Variants in AGBL4 observed in about 807,000 individuals in gnomAD.
AGBL4 encodes the protein cytosolic carboxypeptidase 6.
Under a neutral mutation model 66.4 loss-of-function variants are expected in AGBL4, and 58 were observed. The ratio of observed to expected loss-of-function variants is 0.87; its 90% CI spans 0.71 to 1.09. The LOEUF (loss-of-function observed/expected upper bound fraction) is 1.09. AGBL4 is among the 50% of genes least tolerant of loss of function. The pLI is 0.00. For synonymous variants in AGBL4, 234 were observed against 222.9 expected (o/e 1.05, Z -0.44); for missense variants, 579 against 631.0 (o/e 0.92, Z 0.88).
intron 1 of AGBL4, among the ~76,000 whole-genome samples, chr1:49,951,290 G>A (rs1224775258): frequency 6.6e-6 from 1 of 151,802 alleles, no homozygotes; most frequent in Non-Finnish European, 1.5e-5. Flanking sequence ...GAATCAACAT[G>A]GAGTCACTTG....
chr1:49,665,060 T>A (rs1217369931), intron 3 of AGBL4, among the ~76,000 whole-genome samples: 1 of 152,176 alleles, frequency 6.6e-6, no homozygotes, highest in African/African-American at 2.4e-5. Flanking sequence ...TAAGAAATTT[T>A]TAGAAATCAC....
At chr1:48,796,803 C>A (rs1254026811) in intron 6 of AGBL4, among the ~76,000 whole-genome samples, 3 of 152,196 alleles carry the variant, frequency 2.0e-5, no homozygotes, top group East Asian at 3.8e-4. Flanking sequence ...CACTATGAAT[C>A]CTGATCTTGA....
chr1:49,983,824 C>A (rs1006962300), intron 1 of AGBL4, among the ~76,000 whole-genome samples: 2 of 152,226 alleles, frequency 1.3e-5, no homozygotes, highest in African/African-American at 4.8e-5. Context: ...ATGCATTTCA[C>A]TGTGACTCCC....
At chr1:49,255,499 A>C (rs938132023) in intron 3 of AGBL4, among the ~76,000 whole-genome samples, 5 of 152,204 alleles carry the variant, frequency 3.3e-5, no homozygotes, top group Non-Finnish European at 7.4e-5. Context: ...GGCTATCATT[A>C]AAATGTCAAA....
At chr1:49,898,770 A>G (rs1649469630) in intron 1 of AGBL4, among the ~76,000 whole-genome samples, 1 of 152,212 alleles carries the variant, frequency 6.6e-6, no homozygotes, top group African/African-American at 2.4e-5. Flanking sequence ...TATACAATAA[A>G]GTACTATCCA....
At chr1:48,967,642 C>T (rs1335095875) in intron 5 of AGBL4, among the ~76,000 whole-genome samples, 2 of 152,056 alleles carry the variant, frequency 1.3e-5, no homozygotes, top group African/African-American at 2.4e-5. Context: ...GGAGGAGATG[C>T]CCTTTTTAAA....
chr1:48,798,815 T>G (rs1476560470), intron 6 of AGBL4, among the ~76,000 whole-genome samples: 1 of 152,198 alleles, frequency 6.6e-6, no homozygotes, highest in Non-Finnish European at 1.5e-5. Context: ...TTGTCAAAGA[T>G]CAGTTGGCTA....
chr1:49,798,707 C>A (rs1191119999), intron 2 of AGBL4, among the ~76,000 whole-genome samples: 2 of 152,078 alleles, frequency 1.3e-5, no homozygotes, highest in Admixed American at 1.3e-4. Flanking sequence ...TTGACATTTG[C>A]AATGCATCCA....
chr1:49,565,206 C>T (rs1644163542), intron 3 of AGBL4, among the ~76,000 whole-genome samples: 1 of 152,176 alleles, frequency 6.6e-6, no homozygotes, highest in African/African-American at 2.4e-5. Context: ...TGTCTCTGCA[C>T]ATGAGATGGG....
chr1:48,728,011 C>G lies in AGBL4; in HGVS notation c.635-64770G>C, dbSNP rs143256443. The G allele has an allele frequency of 1.9e-6, 3 of 1,612,086 alleles. No homozygotes were observed. The South Asian group carries it at 3.3e-5, about 18-fold the overall frequency. The stretch of plus-strand genomic sequence containing the variant: ...CTCTGTGCAATTTCAGTTTCATCCA[C>G]AGTTTCTTGTGCTATTCTGTCATAC... On this transcript the variant is annotated intron_variant, in intron 6 of 13. Coordinates refer to ENST00000371839, the MANE Select transcript of AGBL4 (RefSeq NM_032785.4).
chr1:48,971,625 G>A (rs1011613904), intron 5 of AGBL4, among the ~76,000 whole-genome samples: 3 of 152,110 alleles, frequency 2.0e-5, no homozygotes, highest in African/African-American at 7.2e-5. Flanking sequence ...AAACTAATAT[G>A]CAGCAATGGA....
intron 4 of AGBL4, among the ~76,000 whole-genome samples, chr1:49,046,582 AAG>A (rs1188946627): frequency 1.3e-5 from 2 of 152,140 alleles, no homozygotes; most frequent in African/African-American, 4.8e-5. Context: ...ACCCACTTTA[AAG>A]AGTTACTCTA....
intron 4 of AGBL4, among the ~76,000 whole-genome samples, chr1:49,113,410 A>T (rs1645452490): frequency 6.7e-6 from 1 of 149,606 alleles, no homozygotes; most frequent in South Asian, 2.1e-4. Flanking sequence ...ACACCAGGCT[A>T]TTTTTTTTTT....
At chr1:49,967,822 G>T (rs143191337) in intron 1 of AGBL4, among the ~76,000 whole-genome samples, 1 of 152,092 alleles carries the variant, frequency 6.6e-6, no homozygotes, top group Non-Finnish European at 1.5e-5. Context: ...TACTAATAAG[G>T]CAGAGAACTA....
intron 1 of AGBL4, chr1:49,995,140 A>G (rs1252365619): frequency 4.4e-6 from 2 of 456,230 alleles, no homozygotes; most frequent in East Asian, 1.4e-4. Context: ...CCTGGACAGA[A>G]TCTGGGAAAG....
intron 6 of AGBL4, among the ~76,000 whole-genome samples, chr1:48,808,408 A>G (rs1645976321): frequency 6.6e-6 from 1 of 152,168 alleles, no homozygotes; most frequent in South Asian, 2.1e-4. Context: ...AGATGTTAAG[A>G]TTCTTCCCAA....
At chr1:49,561,893 A>C (rs1198468226) in intron 3 of AGBL4, among the ~76,000 whole-genome samples, 1 of 152,086 alleles carries the variant, frequency 6.6e-6, no homozygotes, top group African/African-American at 2.4e-5. Flanking sequence ...ACTGACTTCC[A>C]CAATGGTTGA....
intron 6 of AGBL4, among the ~76,000 whole-genome samples, chr1:48,750,648 G>A (rs1009751576): frequency 5.3e-5 from 8 of 152,288 alleles, no homozygotes; most frequent in East Asian, 3.9e-4. Flanking sequence ...CACAGGGCTC[G>A]GAACAGAGGA....
At chr1:49,032,633 A>T (rs1266854666) in intron 5 of AGBL4, among the ~76,000 whole-genome samples, 2 of 152,154 alleles carry the variant, frequency 1.3e-5, no homozygotes, top group Non-Finnish European at 2.9e-5. Context: ...CAATGCTGAG[A>T]TATCTGTGTG....
Sources: allele counts gnomAD v4.1 joint callset (sites outside exome capture counted in the v4.1 genomes callset), GRCh38; gene constraint gnomAD v4.1.1; transcripts MANE v1.5; gene names NCBI Gene and HGNC (gene_info 2026-07-23, HGNC 2026-07-21).